CBR4: variants seen among roughly 807,000 people sequenced by gnomAD.
CBR4 encodes carbonyl reductase 4.
In CBR4, 22 loss-of-function variants were observed where a neutral mutation model predicts 21.0. The ratio of observed to expected loss-of-function variants is 1.05; its 90% confidence interval spans 0.75 to 1.50. CBR4 has a LOEUF of 1.50. Among genes scored for constraint, CBR4 ranks in the 40% most tolerant of loss-of-function variants. The probability of loss-of-function intolerance (pLI) is 0.00; values close to 1 mark genes in which losing one functional copy is unlikely to be tolerated. For synonymous variants in CBR4, 100 were observed against 104.4 expected, an observed-to-expected ratio of 0.96 and a Z score of 0.26; for missense variants, 302 against 286.3, an observed-to-expected ratio of 1.05 and a Z score of -0.40.
intron 2 of CBR4, among the ~76,000 whole-genome samples, chr4:168,923,789 A>G (rs554613784): frequency 6.6e-6 from 1 of 152,328 alleles, no homozygotes; most frequent in South Asian, 2.1e-4. Flanking sequence ...CTTAAGAGTT[A>G]CAAATATTCA....
chr4:168,980,209 G>C (rs1208712095), intron 2 of CBR4, among the ~76,000 whole-genome samples: 1 of 151,744 alleles, frequency 6.6e-6, no homozygotes, highest in Non-Finnish European at 1.5e-5. Flanking sequence ...ACCAAGCTGA[G>C]GTCTGCAGCA....
chr4:168,943,909 CAAAACAAAACAAAACAAAAACAA>C, intron 2 of CBR4, among the ~76,000 whole-genome samples: 1 of 147,400 alleles, frequency 6.8e-6, no homozygotes, highest in East Asian at 2.3e-4. Flanking sequence ...AACTCTGTCT[CAAAACAAAACAAAACAAAAACAA>C]AAAACAAAAC....
At chr4:168,948,798 C>T (rs939223402) in intron 2 of CBR4, among the ~76,000 whole-genome samples, 7 of 152,060 alleles carry the variant, frequency 4.6e-5, no homozygotes, top group African/African-American at 1.4e-4. Flanking sequence ...TCAGGTAGTG[C>T]GATACCTCCA....
chr4:168,925,150 A>C, intron 2 of CBR4: 1 of 1,589,282 alleles, frequency 6.3e-7, no homozygotes, highest in Non-Finnish European at 8.6e-7. Flanking sequence ...CTGGACAGCA[A>C]ATCACATTAC....
Position 168,981,136 on chromosome 4 carries a change from G to A in CBR4, n.169+20935C>T, listed in dbSNP as rs112487494. ...AGAACCAGGCCAGGCGTGGTGGCTC[G>A]CACCTGTAATCCCAGCACTTTGGGA... On this transcript the variant is annotated intron_variant and non_coding_transcript_variant, in intron 2 of 3. Coordinates refer to the CBR4 transcript ENST00000509108. 7.7e-3 allele frequency among the ~76,000 whole-genome samples: 1,174 copies of A among 152,078 alleles called. 11 individuals are homozygous for A. Among genetic ancestry groups the A allele is most frequent in the African/African-American group, 0.023 (968 of 41,480 alleles).
intron 4 of CBR4, among the ~76,000 whole-genome samples, chr4:168,998,595 A>G (rs554681697): frequency 1.2e-4 from 18 of 152,170 alleles, no homozygotes; most frequent in Non-Finnish European, 2.2e-4. Context: ...TCTAAAATTT[A>G]CTGTGGTGAA....
chr4:168,909,715 C>G (rs1456407633), intron 2 of CBR4, among the ~76,000 whole-genome samples: 1 of 152,096 alleles, frequency 6.6e-6, no homozygotes, highest in African/African-American at 2.4e-5. Flanking sequence ...ACTATGATTA[C>G]CAGGGTTAAT....
chr4:168,988,812 C>G lies in CBR4; in HGVS notation c.*1338G>C, dbSNP rs990498971. 3.7e-5 allele frequency: 35 copies of G among 951,178 alleles called. No individual in the cohort carries two copies. Among genetic ancestry groups the G allele is most frequent in the Non-Finnish European group, 4.4e-5 (35 of 798,756 alleles). The allele number at this position is 951,178 out of a possible 1,614,324, so 58.9% of individuals were successfully genotyped here. On this transcript the variant is annotated 3_prime_UTR_variant, in exon 5 of 5. Transcript: ENST00000306193. The stretch of plus-strand genomic sequence containing the variant: ...AGGAACCCAGAATTTTTATTTAGAA[C>G]ACTGCTTTGACTTTTGTTATTACTT...
chr4:168,947,944 A>T (rs1297526964), intron 2 of CBR4, among the ~76,000 whole-genome samples: 4 of 152,170 alleles, frequency 2.6e-5, no homozygotes, highest in Admixed American at 6.5e-5. Flanking sequence ...TTCTTTAAGG[A>T]ATCTCCACAC....
intron 2 of CBR4, among the ~76,000 whole-genome samples, chr4:168,946,726 T>C (rs757899317): frequency 5.9e-5 from 9 of 152,218 alleles, no homozygotes; most frequent in East Asian, 5.8e-4. Context: ...TTAGTAAATA[T>C]TGACAAATGT....
chr4:168,910,131 G>A (rs1758608759), intron 2 of CBR4, among the ~76,000 whole-genome samples: 1 of 151,470 alleles, frequency 6.6e-6, no homozygotes. Context: ...GGCAATATTT[G>A]TATATATGGT....
At chr4:168,987,380 A>G (rs940147087), downstream of CBR4, among the ~76,000 whole-genome samples, 4 of 152,220 alleles carry the variant, frequency 2.6e-5, no homozygotes, top group African/African-American at 9.7e-5. Flanking sequence ...CATATATCCA[A>G]TATACTCAGA....
chr4:168,922,876 A>G (rs1433452141), intron 2 of CBR4, among the ~76,000 whole-genome samples: 1 of 152,220 alleles, frequency 6.6e-6, no homozygotes, highest in African/African-American at 2.4e-5. Flanking sequence ...GGTGATGCAC[A>G]GTAATTGGAA....
chr4:168,955,991 G>GTA (rs946538314), intron 2 of CBR4, among the ~76,000 whole-genome samples: 1 of 152,002 alleles, frequency 6.6e-6, no homozygotes, highest in African/African-American at 2.4e-5. Context: ...TTAAGTAAGG[G>GTA]GATTAAAGTG....
Position 168,926,367 on chromosome 4 carries a change from A to G in CBR4, n.170-31602T>C, listed in dbSNP as rs1177108180. ...ACCTGACACTGAATACTGCCTTGGT[A>G]GAAAGTGAGGACCTGTAATCCAGCA... On this transcript the variant is annotated intron_variant and non_coding_transcript_variant, in intron 2 of 3. Coordinates refer to the CBR4 transcript ENST00000509108. 5.2e-6 allele frequency: 8 copies of G among 1,537,200 alleles called. No individual in the cohort carries two copies. The highest frequency in any genetic ancestry group is 7.0e-6 in the Non-Finnish European group (8 of 1,146,724).
intron 2 of CBR4, among the ~76,000 whole-genome samples, chr4:168,919,515 A>C (rs1760982839): frequency 6.7e-6 from 1 of 150,348 alleles, no homozygotes; most frequent in Non-Finnish European, 1.5e-5. Context: ...AAGGAGCAAG[A>C]CTGTCTTAAA....
downstream of CBR4, among the ~76,000 whole-genome samples, chr4:168,986,167 A>G (rs1284851051): frequency 6.6e-6 from 1 of 152,236 alleles, no homozygotes; most frequent in Non-Finnish European, 1.5e-5. Context: ...TTTTCATTGC[A>G]TTAGATATTG....
At chr4:168,918,034 A>G (rs1383366617) in intron 2 of CBR4, among the ~76,000 whole-genome samples, 2 of 152,044 alleles carry the variant, frequency 1.3e-5, no homozygotes, top group Non-Finnish European at 2.9e-5. Context: ...CCCCATCTCT[A>G]CTAAAAATGC....
At chr4:168,924,552 CAA>C in intron 2 of CBR4, 1 of 957,100 alleles carries the variant, frequency 1.0e-6, no homozygotes, top group East Asian at 2.6e-5. Flanking sequence ...TGAAATCAAT[CAA>C]AGACAAAAAC....
Sources: allele counts gnomAD v4.1 joint callset (sites outside exome capture counted in the v4.1 genomes callset), GRCh38; gene constraint gnomAD v4.1.1; transcripts MANE v1.5; gene names NCBI Gene and HGNC (gene_info 2026-07-23, HGNC 2026-07-21).